Variants in CELF2 observed in about 807,000 individuals in gnomAD.
The protein encoded by CELF2 is CUGBP Elav-like family member 2.
A neutral mutation model predicts 62.6 loss-of-function variants in CELF2; 8 were observed. The observed-to-expected ratio is 0.13, with a 90% confidence interval of 0.07 to 0.23. The LOEUF (loss-of-function observed/expected upper bound fraction) is 0.23, where lower values mean the gene tolerates loss of function less well. CELF2 is among the 10% of genes least tolerant of loss of function. CELF2 has a pLI of 1.00. For synonymous variants in CELF2, 258 were observed against 250.0 expected (o/e 1.03, Z -0.30); for missense variants, 333 against 671.0 (o/e 0.50, Z 5.56).
At chr10:10,582,271 AT>A in the CELF2 span, among the ~76,000 whole-genome samples, 1 of 152,186 alleles carries the variant, frequency 6.6e-6, no homozygotes, top group African/African-American at 2.4e-5. Context: ...CCCTTACAAC[AT>A]TTTAAATGTT....
rs181283160 is a variant in CELF2 at position 11,242,108 on chromosome 10, C to A, written c.355-7045C>A. 3.3e-5 allele frequency among the ~76,000 whole-genome samples: 5 copies of A among 152,260 alleles called. No homozygotes were observed. The East Asian group carries it at 5.8e-4, about 18-fold the overall frequency. Reference sequence around the variant, plus strand: ...CACTTCTTTCCATCCCCTCTCTCTACTTTTAAATATTTTATGGGCAGTAAG... The same window carrying A: ...CACTTCTTTCCATCCCCTCTCTCTAATTTTAAATATTTTATGGGCAGTAAG... On this transcript the variant is annotated intron_variant, in intron 3 of 12. Coordinates refer to ENST00000633077, the MANE Select transcript of CELF2 (RefSeq NM_001326342.2). This position sits in a 1 kb window ranked among gnomAD's most constrained non-coding sequence, Gnocchi z 4.8.
At chr10:10,877,971 T>C (rs1484734367) in intron 1 of CELF2, among the ~76,000 whole-genome samples, 1 of 152,150 alleles carries the variant, frequency 6.6e-6, no homozygotes, top group African/African-American at 2.4e-5. Context: ...CAAGATGCAC[T>C]CTTCCAAAAA....
intron 1 of CELF2, among the ~76,000 whole-genome samples, chr10:11,140,599 T>C (rs2061183750): frequency 6.6e-6 from 1 of 152,202 alleles, no homozygotes; most frequent in South Asian, 2.1e-4. Context: ...TTTTGGTATA[T>C]TGGAAAAAAG....
At chr10:10,674,557 G>T in the CELF2 span, among the ~76,000 whole-genome samples, 3 of 152,018 alleles carry the variant, frequency 2.0e-5, no homozygotes, top group East Asian at 3.8e-4. Context: ...TACCATATTT[G>T]TTACTATTTC....
At chr10:10,596,128 C>G in the CELF2 span, among the ~76,000 whole-genome samples, 1 of 151,946 alleles carries the variant, frequency 6.6e-6, no homozygotes, top group African/African-American at 2.4e-5. Flanking sequence ...TGTCCTGTAT[C>G]AAAAGTAGTT....
upstream of CELF2, chr10:10,795,007 G>A (rs4749989): frequency 0.85 from 129,342 of 152,058 alleles, 55,522 homozygotes; most frequent in East Asian, 0.97. Context: ...TCTAACCCCA[G>A]TACTTGCGGA....
In CELF2 at chr10:11,099,405, C is replaced by T. The variant is rs957540624; in HGVS notation, c.75-66081C>T. Among the ~76,000 whole-genome samples, 6 of 152,272 alleles carry T rather than the reference C, an allele frequency of 3.9e-5. No individual in the cohort carries two copies. The South Asian group carries it at 6.2e-4, about 16-fold the overall frequency. ...AAATCTGTTTTTCAATAAATTCTGG[C>T]GTGGTTTCCCTCCAGATTTTATTTC... is the stretch of plus-strand genomic sequence containing the variant. On this transcript the variant is annotated intron_variant, in intron 1 of 12. Coordinates refer to ENST00000633077, the MANE Select transcript of CELF2 (RefSeq NM_001326342.2).
At chr10:10,623,060 T>C in the CELF2 span, among the ~76,000 whole-genome samples, 1 of 114,500 alleles carries the variant, frequency 8.7e-6, no homozygotes, top group Non-Finnish European at 1.6e-5. Flanking sequence ...CACTCCAACC[T>C]GGGCGACAGA....
At chr10:11,304,149 G>A (rs571572474) in intron 9 of CELF2, among the ~76,000 whole-genome samples, 3 of 152,214 alleles carry the variant, frequency 2.0e-5, no homozygotes, top group Middle Eastern at 3.4e-3. Context: ...TAGGGTCAAG[G>A]TGTCAGCAGG....
At chr10:10,796,716 C>T (rs1239923968), upstream of CELF2, among the ~76,000 whole-genome samples, 1 of 152,218 alleles carries the variant, frequency 6.6e-6, no homozygotes, top group Non-Finnish European at 1.5e-5. Context: ...TCAAAGCACC[C>T]GGAACCCTTT....
At chr10:10,992,201 C>T (rs535024190) in intron 2 of CELF2, among the ~76,000 whole-genome samples, 1 of 152,298 alleles carries the variant, frequency 6.6e-6, no homozygotes, top group African/African-American at 2.4e-5. Context: ...ATCTACAGAT[C>T]AACAATGGTT....
chr10:10,774,303 G>A, the CELF2 span, among the ~76,000 whole-genome samples: 5 of 152,126 alleles, frequency 3.3e-5, no homozygotes, highest in South Asian at 2.1e-4. Flanking sequence ...ATGTAGGGGC[G>A]GCCGTGCACT....
At chr10:10,489,790 A>G in the CELF2 span, among the ~76,000 whole-genome samples, 1 of 152,036 alleles carries the variant, frequency 6.6e-6, no homozygotes, top group Non-Finnish European at 1.5e-5. Context: ...AAATGGTAAG[A>G]TTTCAGGTGG....
the CELF2 span, among the ~76,000 whole-genome samples, chr10:10,675,386 TC>T: frequency 6.6e-6 from 1 of 152,130 alleles, no homozygotes; most frequent in South Asian, 2.1e-4. Flanking sequence ...GGGGGTTTTT[TC>T]CCTTTGACTT....
At chr10:10,624,978 C>T in the CELF2 span, among the ~76,000 whole-genome samples, 3 of 152,192 alleles carry the variant, frequency 2.0e-5, no homozygotes, top group Non-Finnish European at 2.9e-5. Context: ...CTTTTATCAC[C>T]GCTGTCACTG....
At chr10:10,617,855 A>T in the CELF2 span, among the ~76,000 whole-genome samples, 1 of 152,010 alleles carries the variant, frequency 6.6e-6, no homozygotes, top group African/African-American at 2.4e-5. Context: ...TCTAATTTAC[A>T]TTAACATTCC....
chr10:10,747,968 A>G, the CELF2 span, among the ~76,000 whole-genome samples: 1 of 152,184 alleles, frequency 6.6e-6, no homozygotes, highest in South Asian at 2.1e-4. Flanking sequence ...AGAAGGGCCA[A>G]ATGCACAGAA....
In CELF2 at chr10:11,193,549, C is replaced by T. The variant is rs11591284; in HGVS notation, c.272-23876C>T. 4.4e-3 allele frequency among the ~76,000 whole-genome samples: 667 copies of T among 152,296 alleles called. 7 individuals are homozygous for T. Among genetic ancestry groups the T allele is most frequent in the Middle Eastern group, 0.01 (3 of 294 alleles). On this transcript the variant is annotated intron_variant, in intron 2 of 12. Coordinates refer to ENST00000633077, the MANE Select transcript of CELF2 (RefSeq NM_001326342.2). ...GTTCCTGCTGATGCCCTCCCCACTC[C>T]GTCTGGGGCTGGGGCTGTCTTGAGC...
the CELF2 span, among the ~76,000 whole-genome samples, chr10:10,738,573 T>TTA: frequency 6.6e-6 from 1 of 152,196 alleles, no homozygotes; most frequent in East Asian, 1.9e-4. Flanking sequence ...CTTTCCAGCT[T>TTA]TATTGACCAA....
Sources: gnomAD v4.1 joint callset for allele counts (sites outside exome capture counted in the v4.1 genomes callset) on GRCh38, gnomAD v4.1.1 for gene constraint, Gnocchi (gnomAD v3.1) non-coding constraint, MANE v1.5 for transcripts, NCBI Gene and HGNC (gene_info 2026-07-23, HGNC 2026-07-21) for gene names.